The following TUBA3C variants were observed in gnomAD, a reference collection of about 807,000 sequenced individuals.
TUBA3C encodes the protein tubulin alpha-3C chain.
In TUBA3C, 23 loss-of-function variants were observed where a neutral mutation model predicts 33.4. The ratio of observed to expected loss-of-function variants is 0.69; its 90% CI spans 0.50 to 0.98. The LOEUF is 0.98. TUBA3C is among the 50% of genes least tolerant of loss of function. The pLI, the probability that TUBA3C is intolerant of heterozygous loss-of-function variation, is 0.00. For synonymous variants in TUBA3C, 269 were observed against 250.4 expected, an observed-to-expected ratio of 1.07 and a Z score of -0.70; for missense variants, 402 against 616.0, an observed-to-expected ratio of 0.65 and a Z score of 3.68.
chr13:19,174,011 C>T lies in TUBA3C; in HGVS notation c.1205G>A (p.Arg402Gln), dbSNP rs1036371269. 2.5e-6 allele frequency: 4 copies of T among 1,612,888 alleles called. No homozygotes were observed. The highest frequency in any genetic ancestry group is 1.3e-5 in the African/African-American group (1 of 74,884). ...DHKFDLMYAK[R>Q]AFVHWYVGEG... ...TCCCACGTACCAGTGCACAAAGGCC[C>T]GCTTGGCATACATGAGATCGAACTT... The change falls in exon 5 of 5, where the codon CGG becomes CAG. Residue 402 changes from arginine (R) to glutamine (Q), a missense_variant. Physicochemically the swap from Arg to Gln is conservative, Grantham distance 43. Transcript: ENST00000400113.
intron 1 of TUBA3C, among the ~76,000 whole-genome samples, chr13:19,180,960 T>C (rs1200121845): frequency 7.6e-6 from 1 of 131,646 alleles, no homozygotes; most frequent in African/African-American, 2.9e-5. Flanking sequence ...TTGAGCCGTT[T>C]CAAAAAAAAA....
chr13:19,174,976 C>A (rs1307873286), intron 4 of TUBA3C, among the ~76,000 whole-genome samples: 1 of 152,046 alleles, frequency 6.6e-6, no homozygotes, highest in African/African-American at 2.4e-5. Flanking sequence ...AGGCCGGGCA[C>A]GGTGACCCAC....
chr13:19,177,386 G>A lies in TUBA3C; in HGVS notation c.597C>T (p.Asp199=), dbSNP rs770405516. 1.9e-6 allele frequency: 3 copies of A among 1,614,180 alleles called. No individual in the cohort carries two copies. Among genetic ancestry groups the A allele is most frequent in the Non-Finnish European group, 2.5e-6 (3 of 1,180,040 alleles). ...CTTCATTGTCGACCATGAAGGCACA[G>A]TCAGAATGTTCCAGGGTCGTGTGGG... is the stretch of plus-strand genomic sequence containing the variant. ...LTTHTTLEHS[D]CAFMVDNEAI... Residue 199 remains aspartate (D), a synonymous_variant, in exon 4 of 5, where the codon GAC becomes GAT. Coordinates refer to ENST00000400113, the MANE Select transcript of TUBA3C (RefSeq NM_006001.3). The surrounding 1 kb of genome is among the most constrained non-coding windows in gnomAD (Gnocchi z 5.0).
chr13:19,176,735 A>AAAAAAAAAAAAAAAAC (rs1869192890), intron 4 of TUBA3C, among the ~76,000 whole-genome samples, 192 bp downstream of exon 4: 1 of 102,428 alleles, frequency 9.8e-6, no homozygotes, highest in Non-Finnish European at 2.0e-5. Flanking sequence ...CAAAAAAAAA[A>AAAAAAAAAAAAAAAAC]AAAAAAAAAA....
intron 1 of TUBA3C, among the ~76,000 whole-genome samples, chr13:19,180,135 C>T (rs1214134561): frequency 2.0e-5 from 3 of 152,162 alleles, no homozygotes; most frequent in African/African-American, 7.2e-5. Flanking sequence ...TGTTCAATGA[C>T]AGGCAGCCGC....
intron 4 of TUBA3C, among the ~76,000 whole-genome samples, chr13:19,174,615 C>G (rs183607983): frequency 8.6e-5 from 13 of 151,924 alleles, no homozygotes; most frequent in Non-Finnish European, 1.3e-4. Context: ...TGCTTCACAA[C>G]ATCATTCGTT....
At chr13:19,175,449 G>A (rs1223771254) in intron 4 of TUBA3C, among the ~76,000 whole-genome samples, 1 of 152,058 alleles carries the variant, frequency 6.6e-6, no homozygotes, top group Non-Finnish European at 1.5e-5. Flanking sequence ...TCTCTGTTGG[G>A]CCTGTGCGTT....
chr13:19,179,977 G>C (rs556529913), intron 1 of TUBA3C, among the ~76,000 whole-genome samples: 3 of 152,154 alleles, frequency 2.0e-5, no homozygotes, highest in Non-Finnish European at 2.9e-5. Context: ...CCAGGTCACT[G>C]TGGTCCAAGC....
In TUBA3C at chr13:19,179,536, G is replaced by A; in HGVS notation, c.31C>T (p.Gln11Ter). ...GCATTGCCGATCTGGACTCCTGCCT[G>A]CCCCACGTGGATAGAGATACACTCA... Reference protein sequence around the residue: MRECISIHVGQAGVQIGNACW... With the variant: MRECISIHVG Residue 11 changes from glutamine to a stop codon, truncating the protein, a stop_gained, in exon 2 of 5, where the codon CAG becomes TAG. Transcript: ENST00000400113. LOFTEE classifies it high-confidence loss of function. 6.2e-7 allele frequency: 1 copy of A among 1,614,204 alleles called. No homozygotes were observed. Among genetic ancestry groups the A allele is most frequent in the Non-Finnish European group, 8.5e-7 (1 of 1,180,028 alleles).
Position 19,174,028 on chromosome 13 carries a change from A to G in TUBA3C, c.1188T>C (p.Asp396=), listed in dbSNP as rs1593259608. 3 of 1,613,672 alleles carry G rather than the reference A, an allele frequency of 1.9e-6. No homozygotes were observed. Among genetic ancestry groups the G allele is most frequent in the Admixed American group, 3.3e-5 (2 of 59,968 alleles). Residue 396 remains aspartate (D), a synonymous_variant, in exon 5 of 5, where the codon GAT becomes GAC. Coordinates refer to ENST00000400113, the MANE Select transcript of TUBA3C (RefSeq NM_006001.3). ...EAWARLDHKF[D]LMYAKRAFVH... The stretch of plus-strand genomic sequence containing the variant: ...CAAAGGCCCGCTTGGCATACATGAG[A>G]TCGAACTTATGGTCCAGGCGAGCCC...
chr13:19,179,261 A>C, intron 2 of TUBA3C, 80 bp downstream of exon 2: 23 of 1,577,726 alleles, frequency 1.5e-5, no homozygotes, highest in Non-Finnish European at 1.8e-5. Flanking sequence ...AGGAGGATTC[A>C]AAGGAGCCCA....
At position 19,178,250 on chromosome 13, in the gene TUBA3C, T is replaced by C. The variant is rs529853776; in HGVS notation, c.371A>G (p.Lys124Arg). The change falls in exon 3 of 5, where the codon AAA (lysine) becomes AGA (arginine). Residue 124 changes from lysine (K) to arginine (R), a missense_variant. Lys to Arg is a conservative substitution (Grantham distance 26, BLOSUM62 2). Transcript: ENST00000400113. ...CATGAAGCCTTCTCTTCTTACCAGT[T>C]TGCGGATCCGGTCCAGGACCAGGTC... ...IVDLVLDRIRKLADLCTGLQG... is the reference protein window; with the variant it reads ...IVDLVLDRIRRLADLCTGLQG... 1 of 1,614,134 alleles carries C rather than the reference T, an allele frequency of 6.2e-7. No homozygotes were observed. Among genetic ancestry groups the C allele is most frequent in the South Asian group, 1.1e-5 (1 of 91,058 alleles).
At chr13:19,180,813 C>G (rs1432751647) in intron 1 of TUBA3C, among the ~76,000 whole-genome samples, 1 of 151,868 alleles carries the variant, frequency 6.6e-6, no homozygotes, top group Non-Finnish European at 1.5e-5. Context: ...TAAACATTAG[C>G]CAGCTGTGGC....
chr13:19,179,517 C>A lies in TUBA3C; in HGVS notation c.50G>T (p.Gly17Val). Reference sequence around the variant, plus strand: ...GCAGTACAGTTCCCAGCAGGCATTGCCGATCTGGACTCCTGCCTGCCCCAC... The same window carrying A: ...GCAGTACAGTTCCCAGCAGGCATTGACGATCTGGACTCCTGCCTGCCCCAC... ...IHVGQAGVQI[G>V]NACWELYCLE... The change falls in exon 2 of 5, where the codon GGC (glycine) becomes GTC (valine). Residue 17 changes from glycine (G) to valine (V), a missense_variant. By Grantham distance (109) the Gly-to-Val change is moderately radical. Coordinates refer to ENST00000400113, the MANE Select transcript of TUBA3C (RefSeq NM_006001.3). 6.2e-7 allele frequency: 1 copy of A among 1,614,228 alleles called. No homozygotes were observed. Among genetic ancestry groups the A allele is most frequent in the South Asian group, 1.1e-5 (1 of 91,070 alleles).
intron 1 of TUBA3C, 55 bp downstream of exon 1, chr13:19,181,690 A>T: frequency 6.2e-7 from 1 of 1,600,452 alleles, no homozygotes; most frequent in Non-Finnish European, 8.5e-7. Context: ...CAGGAGGCCA[A>T]CTTCGTCCAC....
intron 1 of TUBA3C, among the ~76,000 whole-genome samples, chr13:19,180,105 T>A (rs1869350065): frequency 6.6e-6 from 1 of 152,114 alleles, no homozygotes; most frequent in Non-Finnish European, 1.5e-5. Context: ...CCTTCCTTGC[T>A]CTCTGGCTTC....
chr13:19,181,763 TGCCGCA>T lies in TUBA3C; in HGVS notation c.-22_-17del. The T allele has an allele frequency of 6.2e-7, 1 of 1,602,398 alleles. No homozygotes were observed. The highest frequency in any genetic ancestry group is 1.1e-5 in the South Asian group (1 of 91,046). On this transcript the variant is annotated 5_prime_UTR_variant, in exon 1 of 5. Coordinates refer to ENST00000400113, the MANE Select transcript of TUBA3C (RefSeq NM_006001.3). ...GCCTTACCATGTTGAGCTCCTCCGC[TGCCGCA>T]GCCCAACGCTACTACTTGACCTCAA...
chr13:19,180,174 C>T (rs574070541), intron 1 of TUBA3C, among the ~76,000 whole-genome samples: 5 of 152,246 alleles, frequency 3.3e-5, no homozygotes, highest in East Asian at 3.9e-4. Flanking sequence ...AGGAGAGTGG[C>T]GTCAGGGTAC....
At chr13:19,174,483 C>G (rs528588638) in intron 4 of TUBA3C, among the ~76,000 whole-genome samples, 4 of 151,760 alleles carry the variant, frequency 2.6e-5, no homozygotes, top group African/African-American at 9.7e-5. Context: ...TTTTTGTGCC[C>G]CTTTCTTGGG....
Sources: allele counts gnomAD v4.1 joint callset (sites outside exome capture counted in the v4.1 genomes callset), GRCh38; gene constraint gnomAD v4.1.1; non-coding constraint Gnocchi (gnomAD v3.1); transcripts MANE v1.5; gene names NCBI Gene and HGNC (gene_info 2026-07-23, HGNC 2026-07-21).